DNAH5: variants seen among roughly 807,000 people sequenced by gnomAD.
The protein encoded by DNAH5 is axonemal beta dynein heavy chain 5.
DNAH5 carries 372 observed loss-of-function variants against 518.2 expected under a neutral mutation model. The ratio of observed to expected loss-of-function variants is 0.72; its 90% CI spans 0.66 to 0.78. DNAH5 has a LOEUF of 0.78. Ranked by LOEUF, DNAH5 falls within the 30% of genes least tolerant of loss-of-function variation. The probability of loss-of-function intolerance (pLI) is 0.00; values close to 1 mark genes in which losing one functional copy is unlikely to be tolerated. For synonymous variants in DNAH5, 2,039 were observed against 2,025.9 expected (o/e 1.01, Z -0.17); for missense variants, 5,523 against 5,687.0 (o/e 0.97, Z 0.93).
intron 47 of DNAH5, among the ~76,000 whole-genome samples, chr5:13,800,527 T>G (rs1204207845): frequency 6.6e-6 from 1 of 152,158 alleles, no homozygotes; most frequent in Non-Finnish European, 1.5e-5. Context: ...ACACCCTTTC[T>G]AAAGTATCTC....
intron 11 of DNAH5, among the ~76,000 whole-genome samples, chr5:13,912,593 A>G (rs1032315478): frequency 6.6e-6 from 1 of 151,696 alleles, no homozygotes. Context: ...ATATATACAC[A>G]TATATACATA....
intron 30 of DNAH5, among the ~76,000 whole-genome samples, chr5:13,858,626 GCA>G (rs1767961428): frequency 6.6e-6 from 1 of 151,970 alleles, no homozygotes; most frequent in Non-Finnish European, 1.5e-5. Context: ...TGAAAAACAT[GCA>G]CAAATACAAA....
In DNAH5 at chr5:13,882,714, A is replaced by G; in HGVS notation, c.3262+14T>C. On this transcript the variant is annotated intron_variant, in intron 21 of 78. Transcript: ENST00000265104. The stretch of plus-strand genomic sequence containing the variant: ...TTTACAATGCCTCTTTTAAAAGACT[A>G]AAAGAACATTTACCTTGAAGTTCAT... 1 of 1,598,522 alleles carries G rather than the reference A, an allele frequency of 6.3e-7. No homozygotes were observed. The highest frequency in any genetic ancestry group is 2.2e-5 in the East Asian group (1 of 44,790).
chr5:13,951,401 G>A (rs1013281569), intron 1 of DNAH5, among the ~76,000 whole-genome samples: 3 of 151,020 alleles, frequency 2.0e-5, no homozygotes, highest in African/African-American at 7.3e-5. Context: ...CTTATTTTTT[G>A]TAGAGATGGG....
chr5:13,960,386 T>C (rs542980845), intron 1 of DNAH5, among the ~76,000 whole-genome samples: 1 of 152,174 alleles, frequency 6.6e-6, no homozygotes, highest in South Asian at 2.1e-4. Context: ...GAAACTAATA[T>C]CCCTTTTTCA....
intron 47 of DNAH5, among the ~76,000 whole-genome samples, chr5:13,798,951 A>C (rs1758289515): frequency 6.6e-6 from 1 of 151,848 alleles, no homozygotes; most frequent in Non-Finnish European, 1.5e-5. Context: ...TTTTTAGTAG[A>C]GATGGGATTT....
At chr5:13,699,799 T>C (rs1741849848) in intron 78 of DNAH5, among the ~76,000 whole-genome samples, 1 of 152,236 alleles carries the variant, frequency 6.6e-6, no homozygotes, top group African/African-American at 2.4e-5. Context: ...TATCATAAAA[T>C]CAGTACTTCC....
At chr5:13,957,721 G>C (rs1006323769) in intron 1 of DNAH5, among the ~76,000 whole-genome samples, 1 of 151,694 alleles carries the variant, frequency 6.6e-6, no homozygotes, top group African/African-American at 2.4e-5. Context: ...AACTCTTTGA[G>C]TTGATTTTGA....
At position 13,922,055 on chromosome 5, in the gene DNAH5, G is replaced by A. The variant is rs375665255; in HGVS notation, c.660+52C>T. ...GAGAAGCATTACACACTTATGTACT[G>A]TGCTTGTTGACCACCTGATCATTTT... On this transcript the variant is annotated intron_variant, in intron 5 of 78. Coordinates refer to ENST00000265104, the MANE Select transcript of DNAH5 (RefSeq NM_001369.3). The A allele has an allele frequency of 6.4e-6, 10 of 1,568,442 alleles. No homozygotes were observed. In the African/African-American group the frequency reaches 1.1e-4, roughly 17 times the overall value.
intron 36 of DNAH5, 119 bp downstream of exon 36, chr5:13,830,477 CA>C (rs1299394238): frequency 8.0e-5 from 104 of 1,302,188 alleles, no homozygotes; most frequent in Non-Finnish European, 1.1e-4. Context: ...GAAGATTTTC[CA>C]AAAAATTTTA....
At chr5:13,844,421 C>G (rs546501475) in intron 32 of DNAH5, among the ~76,000 whole-genome samples, 2 of 152,118 alleles carry the variant, frequency 1.3e-5, no homozygotes, top group Non-Finnish European at 2.9e-5. Flanking sequence ...ATTCTGTACA[C>G]ATGGAAGTGT....
chr5:13,801,241 G>A (rs1335905475), intron 47 of DNAH5, among the ~76,000 whole-genome samples: 4 of 152,216 alleles, frequency 2.6e-5, no homozygotes, highest in Admixed American at 6.5e-5. Flanking sequence ...GAGTTCTCAC[G>A]AGATCTGGTT....
intron 47 of DNAH5, among the ~76,000 whole-genome samples, chr5:13,795,578 A>C (rs1043326634): frequency 9.2e-5 from 14 of 152,254 alleles, no homozygotes; most frequent in Non-Finnish European, 1.6e-4. Flanking sequence ...AACCAAAAAA[A>C]GTCCAGGACC....
chr5:13,792,233 T>C lies in DNAH5; in HGVS notation c.8225-16A>G, dbSNP rs564667300. 1 of 1,600,634 alleles carries C rather than the reference T, an allele frequency of 6.2e-7. No individual in the cohort carries two copies. Among genetic ancestry groups the C allele is most frequent in the South Asian group, 1.1e-5 (1 of 90,776 alleles). On this transcript the variant is annotated splice_polypyrimidine_tract_variant and intron_variant, in intron 49 of 78. Transcript: ENST00000265104. ...CCAATCACACCTGAAAAGGGGGAAA[T>C]TACAGCATTTTGATTAGCCATTCAA...
chr5:13,719,194 A>G, intron 71 of DNAH5, 93 bp from the exon 72 acceptor site: 1 of 1,043,906 alleles, frequency 9.6e-7, no homozygotes, highest in South Asian at 1.4e-5. Context: ...ATTAAAATTT[A>G]ATAGGAAAAC....
chr5:13,823,789 T>G (rs1395755046), intron 39 of DNAH5, among the ~76,000 whole-genome samples: 1 of 152,226 alleles, frequency 6.6e-6, no homozygotes, highest in Non-Finnish European at 1.5e-5. Context: ...TTTACATAGA[T>G]CCACGGATAG....
chr5:13,919,179 C>T lies in DNAH5; in HGVS notation c.972G>A (p.Leu324=), dbSNP rs757404057. Residue 324 remains leucine (L), a synonymous_variant, in exon 7 of 79, where the codon CTG becomes CTA. Transcript: ENST00000265104. ...GCAAAATGAAATGGCTGACGACCTTCAGCAGTTTCGACTTGGCCGCCGCAA... is the reference window on the plus strand; with the variant it reads ...GCAAAATGAAATGGCTGACGACCTTTAGCAGTTTCGACTTGGCCGCCGCAA... The part of the protein sequence containing the change: ...AVLAAAKSKL[L]KTWREMDIRI... 6.2e-7 allele frequency: 1 copy of T among 1,613,960 alleles called. No individual in the cohort carries two copies. Among genetic ancestry groups the T allele is most frequent in the Non-Finnish European group, 8.5e-7 (1 of 1,179,858 alleles).
At chr5:13,734,720 T>C (rs1328428870) in intron 68 of DNAH5, among the ~76,000 whole-genome samples, 2 of 152,134 alleles carry the variant, frequency 1.3e-5, no homozygotes, top group Admixed American at 1.3e-4. Flanking sequence ...CCCCATTAAA[T>C]ATCCCATTGA....
At chr5:13,874,081 T>C (rs1770527076) in intron 22 of DNAH5, among the ~76,000 whole-genome samples, 1 of 152,186 alleles carries the variant, frequency 6.6e-6, no homozygotes, top group African/African-American at 2.4e-5. Context: ...ATGTTGATAC[T>C]TCCCATCCAT....
Sources: allele counts gnomAD v4.1 joint callset (sites outside exome capture counted in the v4.1 genomes callset), GRCh38; gene constraint gnomAD v4.1.1; transcripts MANE v1.5; gene names NCBI Gene and HGNC (gene_info 2026-07-23, HGNC 2026-07-21).